The following TASP1 variants were observed in gnomAD, a reference collection of about 807,000 sequenced individuals.
TASP1 encodes the protein threonine aspartase 1.
TASP1 carries 16 observed loss-of-function variants against 56.6 expected under a neutral mutation model. The observed-to-expected ratio is 0.28, with a 90% CI of 0.19 to 0.43. The LOEUF (loss-of-function observed/expected upper bound fraction) is 0.43, where lower values mean the gene tolerates loss of function less well. Ranked by LOEUF, TASP1 falls within the 20% of genes least tolerant of loss-of-function variation. The pLI is 1.00. For missense variants in TASP1, 393 were observed against 511.6 expected (o/e 0.77, Z 2.24); for synonymous variants, 179 against 184.2 (o/e 0.97, Z 0.23).
chr20:13,347,766 C>CG, the TASP1 span, among the ~76,000 whole-genome samples: 7 of 151,128 alleles, frequency 4.6e-5, no homozygotes, highest in African/African-American at 1.5e-4. Context: ...CGCTTGAATC[C>CG]GGGGGGCAGA....
chr20:13,497,281 A>C (rs1397145333), intron 10 of TASP1, among the ~76,000 whole-genome samples: 1 of 152,198 alleles, frequency 6.6e-6, no homozygotes, highest in Non-Finnish European at 1.5e-5. Flanking sequence ...ACTTACTGCA[A>C]GGCAGCAGCC....
chr20:13,613,488 T>G (rs2048419670), intron 4 of TASP1, among the ~76,000 whole-genome samples: 1 of 152,104 alleles, frequency 6.6e-6, no homozygotes, highest in Non-Finnish European at 1.5e-5. Flanking sequence ...TATAGGAAAA[T>G]TAGCAGATAT....
intron 13 of TASP1, among the ~76,000 whole-genome samples, chr20:13,403,832 T>C (rs187384360): frequency 3.8e-3 from 577 of 152,168 alleles, no homozygotes; most frequent in Non-Finnish European, 5.6e-3. Flanking sequence ...CAGTGAGCCA[T>C]AATCGGGTCA....
At chr20:13,137,587 C>T in the TASP1 span, among the ~76,000 whole-genome samples, 3 of 152,086 alleles carry the variant, frequency 2.0e-5, no homozygotes, top group South Asian at 6.2e-4. Context: ...CCTGTTTCTG[C>T]TGAGAACATC....
the TASP1 span, among the ~76,000 whole-genome samples, chr20:13,253,341 G>A: frequency 6.9e-6 from 1 of 145,548 alleles, no homozygotes; most frequent in African/African-American, 2.6e-5. Context: ...TTCCTGAGGA[G>A]TGGGTGACCA....
intron 2 of TASP1, among the ~76,000 whole-genome samples, chr20:13,629,364 CAAAA>C (rs1218111399): frequency 7.7e-5 from 4 of 52,014 alleles, no homozygotes; most frequent in Admixed American, 2.2e-4. Flanking sequence ...AACTCCATCT[CAAAA>C]AAAAAAAAAA....
intron 10 of TASP1, among the ~76,000 whole-genome samples, chr20:13,525,324 C>A (rs1235631631): frequency 6.6e-6 from 1 of 152,134 alleles, no homozygotes; most frequent in African/African-American, 2.4e-5. Context: ...CTGGAAGAGT[C>A]TGGACAGGAA....
At chr20:13,107,265 G>A in the TASP1 span, among the ~76,000 whole-genome samples, 1 of 152,012 alleles carries the variant, frequency 6.6e-6, no homozygotes, top group Non-Finnish European at 1.5e-5. Context: ...CCTGAAGGTT[G>A]AGAACCACTG....
chr20:13,555,302 T>A (rs2046118015), intron 8 of TASP1, among the ~76,000 whole-genome samples: 1 of 146,048 alleles, frequency 6.8e-6, no homozygotes, highest in South Asian at 2.1e-4. Flanking sequence ...GAGAATTGCT[T>A]GAACCTGTGA....
chr20:13,308,173 G>A, the TASP1 span, among the ~76,000 whole-genome samples: 738 of 152,228 alleles, frequency 4.8e-3, 3 homozygotes, highest in Non-Finnish European at 6.8e-3. Context: ...ACTGTGCTGC[G>A]TGCTGGGGAC....
the TASP1 span, among the ~76,000 whole-genome samples, chr20:13,264,695 T>G: frequency 6.6e-6 from 1 of 152,220 alleles, no homozygotes; most frequent in Non-Finnish European, 1.5e-5. Context: ...AGCTATGCAG[T>G]GGCTGGAGGC....
At chr20:13,302,770 C>T in the TASP1 span, among the ~76,000 whole-genome samples, 5 of 152,312 alleles carry the variant, frequency 3.3e-5, no homozygotes, top group East Asian at 7.7e-4. Flanking sequence ...AGTGGGCATC[C>T]TGGGTGCCAC....
the TASP1 span, among the ~76,000 whole-genome samples, chr20:13,154,455 C>T: frequency 1.3e-5 from 2 of 152,166 alleles, no homozygotes; most frequent in Admixed American, 6.5e-5. Context: ...CAAGATCGTT[C>T]TCAGGGAGAA....
chr20:13,437,346 A>C (rs1489187464), intron 11 of TASP1, among the ~76,000 whole-genome samples: 1 of 152,228 alleles, frequency 6.6e-6, no homozygotes, highest in Non-Finnish European at 1.5e-5. Context: ...TTAGGTATTG[A>C]TGGGACGTAT....
At chr20:13,449,725 C>T (rs762594538) in intron 11 of TASP1, among the ~76,000 whole-genome samples, 28 of 152,080 alleles carry the variant, frequency 1.8e-4, no homozygotes, top group Non-Finnish European at 3.8e-4. Context: ...TAAATGCATA[C>T]TGTTATACGT....
chr20:13,610,687 A>G (rs2048321539), intron 4 of TASP1, among the ~76,000 whole-genome samples: 1 of 152,222 alleles, frequency 6.6e-6, no homozygotes, highest in Non-Finnish European at 1.5e-5. Flanking sequence ...CAATTAACTT[A>G]CAAAGTTTTT....
chr20:13,634,645 G>A (rs537191996), intron 1 of TASP1, among the ~76,000 whole-genome samples: 4 of 151,056 alleles, frequency 2.6e-5, no homozygotes, highest in Admixed American at 1.3e-4. Flanking sequence ...CAGGAGAATC[G>A]CTTGAACCAG....
At chr20:13,372,438 T>G in the TASP1 span, among the ~76,000 whole-genome samples, 1 of 152,106 alleles carries the variant, frequency 6.6e-6, no homozygotes, top group African/African-American at 2.4e-5. Context: ...ACACTACAGA[T>G]TTTTATTTGC....
At chr20:13,177,433 T>C in the TASP1 span, among the ~76,000 whole-genome samples, 4 of 152,178 alleles carry the variant, frequency 2.6e-5, no homozygotes, top group East Asian at 5.8e-4. Context: ...TATGGAACCA[T>C]AGAAGATCCC....
Sources: gnomAD v4.1 joint callset for allele counts (sites outside exome capture counted in the v4.1 genomes callset) on GRCh38, gnomAD v4.1.1 for gene constraint, MANE v1.5 for transcripts, NCBI Gene and HGNC (gene_info 2026-07-23, HGNC 2026-07-21) for gene names.